Variants in ASAP2 observed in about 807,000 individuals in gnomAD.
The protein encoded by ASAP2 is ArfGAP with SH3 domain, ankyrin repeat and PH domain 2.
A neutral mutation model predicts 131.4 loss-of-function variants in ASAP2; 45 were observed. The ratio of observed to expected loss-of-function variants is 0.34; its 90% confidence interval spans 0.27 to 0.44. The LOEUF (loss-of-function observed/expected upper bound fraction) is 0.44, where lower values mean the gene tolerates loss of function less well. Ranked by LOEUF, ASAP2 falls within the 20% of genes least tolerant of loss-of-function variation. The pLI is 1.00. For missense variants in ASAP2, 1,011 were observed against 1,297.0 expected (o/e 0.78, Z 3.39); for synonymous variants, 510 against 503.0 (o/e 1.01, Z -0.19).
At chr2:9,324,224 C>CTTAA (rs1670342443) in intron 6 of ASAP2, among the ~76,000 whole-genome samples, 2 of 152,170 alleles carry the variant, frequency 1.3e-5, no homozygotes, top group African/African-American at 4.8e-5. Flanking sequence ...GGAGCTTAAC[C>CTTAA]CTTATAAATA....
At chr2:9,313,635 C>T (rs1465555730) in intron 3 of ASAP2, among the ~76,000 whole-genome samples, 7 of 152,204 alleles carry the variant, frequency 4.6e-5, no homozygotes, top group African/African-American at 1.7e-4. Context: ...TGTTCTAGAC[C>T]GCACAGCATT....
At chr2:9,296,656 C>T (rs1308586999) in intron 2 of ASAP2, among the ~76,000 whole-genome samples, 8 of 152,238 alleles carry the variant, frequency 5.3e-5, no homozygotes, top group Non-Finnish European at 1.2e-4. Flanking sequence ...ACACATTTGC[C>T]AGACTATTTC....
At chr2:9,208,528 A>G (rs984341096) in intron 1 of ASAP2, among the ~76,000 whole-genome samples, 12 of 151,926 alleles carry the variant, frequency 7.9e-5, no homozygotes, top group Non-Finnish European at 1.3e-4. Flanking sequence ...TAAACAGTCA[A>G]TAAAAGGGAG....
At position 9,392,005 on chromosome 2, in the gene ASAP2, T is replaced by A. The variant is rs988952294; in HGVS notation, c.2518+809T>A. 3.3e-5 allele frequency among the ~76,000 whole-genome samples: 5 copies of A among 152,134 alleles called. No homozygotes were observed. Among genetic ancestry groups the A allele is most frequent in the Non-Finnish European group, 7.4e-5 (5 of 68,012 alleles). On this transcript the variant is annotated intron_variant, in intron 23 of 27. Transcript: ENST00000281419. The surrounding 1 kb of genome is among the most constrained non-coding windows in gnomAD (Gnocchi z 4.0). ...AAGGGATCCTCCTGCCTTAGCCTCC[T>A]GAGTAGCTGGGATTATTGGTGCAAG...
chr2:9,344,560 A>G lies in ASAP2; in HGVS notation c.878A>G (p.Tyr293Cys). Residue 293 changes from tyrosine to cysteine, a missense_variant, in exon 10 of 28, where the codon TAT (tyrosine) becomes TGT (cysteine). Coordinates refer to ENST00000281419, the MANE Select transcript of ASAP2 (RefSeq NM_003887.3). ...TCCCAAATTCGTCAGAGCACAGCTT[A>G]TAGCTTACATCAGCCTCAGGGAAAC... is the stretch of plus-strand genomic sequence containing the variant. ...EDSQIRQSTA[Y>C]SLHQPQGNKE... 1 of 1,614,176 alleles carries G rather than the reference A, an allele frequency of 6.2e-7. No homozygotes were observed. Among genetic ancestry groups the G allele is most frequent in the Non-Finnish European group, 8.5e-7 (1 of 1,180,000 alleles).
intron 27 of ASAP2, 44 bp downstream of exon 27, chr2:9,401,440 C>A (rs200322386): frequency 1.2e-6 from 2 of 1,600,864 alleles, no homozygotes; most frequent in Non-Finnish European, 1.7e-6. Flanking sequence ...GGCTGAGCCA[C>A]GTCCCTGCCC....
intron 1 of ASAP2, among the ~76,000 whole-genome samples, chr2:9,258,632 C>T (rs939295853): frequency 2.0e-5 from 3 of 152,166 alleles, no homozygotes. Flanking sequence ...TGCAAACCTT[C>T]CCGGGTCCTG....
chr2:9,320,974 C>T (rs1670113764), intron 5 of ASAP2, among the ~76,000 whole-genome samples: 1 of 152,060 alleles, frequency 6.6e-6, no homozygotes, highest in South Asian at 2.1e-4. Flanking sequence ...GTTTCTCATC[C>T]CTAGAGTAGA....
In ASAP2 at chr2:9,392,699, G is replaced by A. The variant is rs528581090; in HGVS notation, c.2519-783G>A. ...GCTGGATCCCTTCATGTTTCCCCAC[G>A]CCAGTTTCCTCTCTGTGTAGCTGAA... is the stretch of plus-strand genomic sequence containing the variant. On this transcript the variant is annotated intron_variant, in intron 23 of 27. Coordinates refer to ENST00000281419, the MANE Select transcript of ASAP2 (RefSeq NM_003887.3). This position sits in a 1 kb window ranked among gnomAD's most constrained non-coding sequence, Gnocchi z 4.0. Among the ~76,000 whole-genome samples the A allele has an allele frequency of 2.0e-5, 3 of 152,236 alleles. No individual in the cohort carries two copies. The South Asian group carries it at 6.2e-4, about 32-fold the overall frequency.
chr2:9,285,924 TACA>T (rs1261413984), intron 2 of ASAP2, among the ~76,000 whole-genome samples: 2 of 152,212 alleles, frequency 1.3e-5, no homozygotes, highest in African/African-American at 4.8e-5. Flanking sequence ...AAAATGAGAA[TACA>T]ACAACTTTGT....
intron 18 of ASAP2, among the ~76,000 whole-genome samples, chr2:9,378,154 G>C (rs543455389): frequency 6.6e-6 from 1 of 152,258 alleles, no homozygotes; most frequent in African/African-American, 2.4e-5. Context: ...AATGTAATTG[G>C]TTTCCTTCTC....
At position 9,207,257 on chromosome 2, in the gene ASAP2, G is replaced by T; in HGVS notation, c.126+27G>T. 6.6e-7 allele frequency: 1 copy of T among 1,524,488 alleles called. No individual in the cohort carries two copies. Among genetic ancestry groups the T allele is most frequent in the Admixed American group, 2.0e-5 (1 of 49,220 alleles). The allele number at this position is 1,524,488 out of a possible 1,614,324, so 94.4% of individuals were successfully genotyped here. A position where few individuals can be genotyped will look rare whatever the true frequency, so the allele number is the denominator to read the frequency against. ...TGAGGCGGCCTGCGCGGCGGCTCCG[G>T]CCGCAGGTATCCCGCGCCCCAGCCC... On this transcript the variant is annotated intron_variant, in intron 1 of 27. Coordinates refer to ENST00000281419, the MANE Select transcript of ASAP2 (RefSeq NM_003887.3). This position sits in a 1 kb window ranked among gnomAD's most constrained non-coding sequence, Gnocchi z 4.1.
chr2:9,223,968 C>T (rs1662597915), intron 1 of ASAP2, among the ~76,000 whole-genome samples: 1 of 152,214 alleles, frequency 6.6e-6, no homozygotes, highest in African/African-American at 2.4e-5. Flanking sequence ...ACGTAATCCA[C>T]TGAGGATAGT....
chr2:9,214,185 T>TGAGG (rs1436821391), intron 1 of ASAP2, among the ~76,000 whole-genome samples: 3 of 152,232 alleles, frequency 2.0e-5, no homozygotes, highest in Non-Finnish European at 4.4e-5. Context: ...CTGTGTAATG[T>TGAGG]GGCCTCCAAG....
At chr2:9,372,747 G>A (rs927897842) in intron 16 of ASAP2, among the ~76,000 whole-genome samples, 1 of 152,110 alleles carries the variant, frequency 6.6e-6, no homozygotes, top group Non-Finnish European at 1.5e-5. Flanking sequence ...GGCAGCTGAA[G>A]TCCAGGGTGG....
intron 1 of ASAP2, among the ~76,000 whole-genome samples, chr2:9,224,647 A>G (rs1572194557): frequency 1.3e-5 from 2 of 152,258 alleles, no homozygotes; most frequent in African/African-American, 4.8e-5. Context: ...TTTGAAAAAC[A>G]TAATCATATC....
intron 22 of ASAP2, among the ~76,000 whole-genome samples, 161 bp downstream of exon 22, chr2:9,388,707 G>T (rs1675493106): frequency 6.6e-6 from 1 of 152,130 alleles, no homozygotes; most frequent in Non-Finnish European, 1.5e-5. Flanking sequence ...TTCTTATCAG[G>T]CCAGATGGTG....
intron 1 of ASAP2, among the ~76,000 whole-genome samples, chr2:9,270,038 A>G (rs576843778): frequency 6.6e-6 from 1 of 152,374 alleles, no homozygotes; most frequent in African/African-American, 2.4e-5. Flanking sequence ...GGTTTGAAAC[A>G]GTAGTTTTCC....
At chr2:9,397,750 A>ATATATTTTTTTTT (rs1343127000) in intron 24 of ASAP2, among the ~76,000 whole-genome samples, 2 of 44,808 alleles carry the variant, frequency 4.5e-5, no homozygotes, top group African/African-American at 3.4e-4. Flanking sequence ...ATATATATAT[A>ATATATTTTTTTTT]TTTTTTTTTT....
Sources: allele counts gnomAD v4.1 joint callset (sites outside exome capture counted in the v4.1 genomes callset), GRCh38; gene constraint gnomAD v4.1.1; non-coding constraint Gnocchi (gnomAD v3.1); transcripts MANE v1.5; gene names NCBI Gene and HGNC (gene_info 2026-07-23, HGNC 2026-07-21).